Variants in PCDH15 observed in about 807,000 individuals in gnomAD.
PCDH15 encodes protocadherin-15.
In PCDH15, 129 loss-of-function variants were observed where a neutral mutation model predicts 178.5. The observed-to-expected ratio is 0.72, with a 90% CI of 0.63 to 0.84. PCDH15 has a LOEUF of 0.84. PCDH15 is among the 40% of genes least tolerant of loss of function. The probability of loss-of-function intolerance (pLI) is 0.00; values close to 1 mark genes in which losing one functional copy is unlikely to be tolerated. For missense variants in PCDH15, 2,230 were observed against 2,099.9 expected, an observed-to-expected ratio of 1.06 and a Z score of -1.21; for synonymous variants, 800 against 732.0, an observed-to-expected ratio of 1.09 and a Z score of -1.50.
intron 1 of PCDH15, among the ~76,000 whole-genome samples, chr10:55,192,772 C>G (rs183059271): frequency 1.3e-5 from 2 of 151,116 alleles, no homozygotes; most frequent in Admixed American, 1.3e-4. Flanking sequence ...GATACATGCA[C>G]AAAGACACAT....
intron 3 of PCDH15, among the ~76,000 whole-genome samples, chr10:54,822,018 G>A (rs1328880231): frequency 6.6e-6 from 1 of 151,990 alleles, no homozygotes; most frequent in African/African-American, 2.4e-5. Context: ...ACCTTTTTAT[G>A]TTTTAATTTA....
At chr10:55,249,737 G>C (rs1438910836) in intron 1 of PCDH15, among the ~76,000 whole-genome samples, 1 of 151,652 alleles carries the variant, frequency 6.6e-6, no homozygotes, top group Non-Finnish European at 1.5e-5. Context: ...TTACACTTGG[G>C]AAAATAAAAT....
intron 1 of PCDH15, among the ~76,000 whole-genome samples, chr10:55,287,591 G>C (rs1258978013): frequency 6.6e-6 from 1 of 151,942 alleles, no homozygotes; most frequent in East Asian, 1.9e-4. Flanking sequence ...AGTAAGCTTT[G>C]AGCACTATGC....
At chr10:55,374,902 T>C (rs1189983732) in intron 2 of PCDH15, among the ~76,000 whole-genome samples, 1 of 151,836 alleles carries the variant, frequency 6.6e-6, no homozygotes, top group African/African-American at 2.4e-5. Context: ...AATATAAAAA[T>C]AGAGTAGAAA....
chr10:54,766,987 C>A (rs10825397), intron 1 of PCDH15, among the ~76,000 whole-genome samples: 54,216 of 151,664 alleles, frequency 0.36, 10,089 homozygotes, highest in Middle Eastern at 0.47. Flanking sequence ...TTAATATAAT[C>A]TTCCCACTGA....
At chr10:55,525,807 T>G (rs1841290618) in intron 2 of PCDH15, among the ~76,000 whole-genome samples, 1 of 151,888 alleles carries the variant, frequency 6.6e-6, no homozygotes, top group South Asian at 2.1e-4. Context: ...CTTCATAATT[T>G]TACTATTCAT....
At chr10:55,032,339 A>T (rs150093609) in intron 2 of PCDH15, among the ~76,000 whole-genome samples, 70 of 152,338 alleles carry the variant, frequency 4.6e-4, no homozygotes, top group Middle Eastern at 3.4e-3. Context: ...TGACAAAAAA[A>T]TATCTCTTAG....
chr10:54,867,179 T>G (rs1330990219), intron 3 of PCDH15, among the ~76,000 whole-genome samples: 1 of 152,076 alleles, frequency 6.6e-6, no homozygotes, highest in Non-Finnish European at 1.5e-5. Flanking sequence ...TGCAGTGTGG[T>G]TTGGGAATGA....
chr10:54,890,215 T>C (rs955051072), intron 3 of PCDH15, among the ~76,000 whole-genome samples: 2 of 151,952 alleles, frequency 1.3e-5, no homozygotes, highest in Admixed American at 1.3e-4. Flanking sequence ...CATCATCACA[T>C]GAGCGTGGAT....
chr10:54,015,699 T>C (rs1187066916), intron 20 of PCDH15, among the ~76,000 whole-genome samples: 1 of 152,122 alleles, frequency 6.6e-6, no homozygotes, highest in Non-Finnish European at 1.5e-5. Context: ...GCTATACATA[T>C]GTAGAAAAAT....
intron 3 of PCDH15, among the ~76,000 whole-genome samples, chr10:54,442,806 AGTGTGTTGGCTTTCAGTAG>A (rs976204703): frequency 6.6e-6 from 1 of 151,532 alleles, no homozygotes; most frequent in Non-Finnish European, 1.5e-5. Flanking sequence ...GAGAAAGCCC[AGTGTGTTGGCTTTCAGTAG>A]TAAAAAACCC....
chr10:55,075,481 T>G (rs931778073), intron 2 of PCDH15, among the ~76,000 whole-genome samples: 7 of 150,664 alleles, frequency 4.6e-5, no homozygotes, highest in African/African-American at 1.7e-4. Flanking sequence ...TTCCCCAGCC[T>G]CAGCTTCCCA....
At chr10:54,204,492 TA>T (rs2050577774) in intron 10 of PCDH15, among the ~76,000 whole-genome samples, 1 of 152,144 alleles carries the variant, frequency 6.6e-6, no homozygotes, top group African/African-American at 2.4e-5. Context: ...CATCTTTTTT[TA>T]ACAAAAATCT....
intron 25 of PCDH15, among the ~76,000 whole-genome samples, chr10:53,920,473 C>T (rs1445518134): frequency 8.6e-5 from 13 of 151,518 alleles, no homozygotes; most frequent in Admixed American, 5.3e-4. Context: ...ATCAAAATCA[C>T]GGGATGATAG....
intron 2 of PCDH15, among the ~76,000 whole-genome samples, chr10:55,581,119 C>A (rs1438599728): frequency 1.3e-5 from 2 of 152,082 alleles, no homozygotes; most frequent in Middle Eastern, 3.2e-3. Context: ...GCCTAATTGT[C>A]ATTGAATCTT....
At chr10:54,392,700 A>G (rs771775335) in intron 3 of PCDH15, among the ~76,000 whole-genome samples, 1 of 151,546 alleles carries the variant, frequency 6.6e-6, no homozygotes, top group Non-Finnish European at 1.5e-5. Context: ...GGAGTTTGAG[A>G]CCAGCCTGGC....
chr10:54,158,923 C>T (rs1459646154), intron 13 of PCDH15, among the ~76,000 whole-genome samples: 5 of 151,856 alleles, frequency 3.3e-5, no homozygotes, highest in Admixed American at 6.6e-5. Flanking sequence ...CTGGCTAACA[C>T]GGTGAAACCC....
At chr10:55,446,786 C>T (rs1311729708) in intron 2 of PCDH15, among the ~76,000 whole-genome samples, 1 of 152,104 alleles carries the variant, frequency 6.6e-6, no homozygotes, top group Non-Finnish European at 1.5e-5. Flanking sequence ...TAATTTACTA[C>T]TCTGAGAGAC....
chr10:53,822,565 T>C (rs1291063888), intron 32 of PCDH15: 3 of 1,613,928 alleles, frequency 1.9e-6, no homozygotes, highest in Non-Finnish European at 2.5e-6. Context: ...ATAGGTAACA[T>C]ACAAATAGGT....
Sources: gnomAD v4.1 joint callset for allele counts (sites outside exome capture counted in the v4.1 genomes callset) on GRCh38, gnomAD v4.1.1 for gene constraint, MANE v1.5 for transcripts, NCBI Gene and HGNC (gene_info 2026-07-23, HGNC 2026-07-21) for gene names.